The following SBF2 variants were observed in gnomAD, a reference collection of about 807,000 sequenced individuals.
The protein encoded by SBF2 is myotubularin-related protein 13.
SBF2 carries 112 observed loss-of-function variants against 225.2 expected under a neutral mutation model. The observed-to-expected ratio is 0.50, with a 90% CI of 0.43 to 0.58. The LOEUF is 0.58. SBF2 is among the 20% of genes least tolerant of loss of function. The pLI, the probability that SBF2 is intolerant of heterozygous loss-of-function variation, is 0.00. For missense variants in SBF2, 1,996 were observed against 2,206.2 expected, an observed-to-expected ratio of 0.90 and a Z score of 1.91; for synonymous variants, 763 against 773.3, an observed-to-expected ratio of 0.99 and a Z score of 0.22.
intron 2 of SBF2, among the ~76,000 whole-genome samples, chr11:10,051,533 T>A (rs1235904892): frequency 1.3e-5 from 2 of 152,084 alleles, no homozygotes; most frequent in East Asian, 3.9e-4. Flanking sequence ...CCTGGTCAGA[T>A]TTTTTTTACT....
chr11:10,170,655 T>C (rs1956147240), intron 2 of SBF2, among the ~76,000 whole-genome samples: 1 of 152,142 alleles, frequency 6.6e-6, no homozygotes, highest in South Asian at 2.1e-4. Context: ...CCATATAAAC[T>C]TTAGAACTGT....
chr11:10,199,666 C>A (rs920966426), intron 1 of SBF2, among the ~76,000 whole-genome samples: 9 of 152,170 alleles, frequency 5.9e-5, no homozygotes, highest in African/African-American at 2.2e-4. Flanking sequence ...CACTGGCTCA[C>A]ACCTGTAATC....
intron 1 of SBF2, among the ~76,000 whole-genome samples, chr11:10,220,794 T>C (rs1958311777): frequency 6.6e-6 from 1 of 152,172 alleles, no homozygotes; most frequent in Admixed American, 6.5e-5. Flanking sequence ...CCCTATACTG[T>C]GGCCCCACCA....
rs201936627 is a variant in SBF2 at position 10,286,172 on chromosome 11, A to G, written c.55+7843T>C. On this transcript the variant is annotated intron_variant, in intron 1 of 39. Transcript: ENST00000256190. The stretch of plus-strand genomic sequence containing the variant: ...TTCACATAAACACGCACACGCACAC[A>G]CACACACACACACACACACACACGG... 0.019 allele frequency among the ~76,000 whole-genome samples: 2,835 copies of G among 150,384 alleles called. 288 individuals carry two copies. The East Asian group carries it at 0.28, about 15-fold the overall frequency.
intron 3 of SBF2, among the ~76,000 whole-genome samples, chr11:10,035,327 C>G (rs545083941): frequency 3.7e-4 from 56 of 152,114 alleles, no homozygotes; most frequent in Middle Eastern, 6.8e-3. Flanking sequence ...GAAAACCTAG[C>G]CAATACCATT....
chr11:10,073,433 C>T (rs1950970973), intron 2 of SBF2, among the ~76,000 whole-genome samples: 1 of 152,020 alleles, frequency 6.6e-6, no homozygotes, highest in Non-Finnish European at 1.5e-5. Flanking sequence ...ATTTAAGTGG[C>T]CCAGCACAGT....
chr11:10,278,813 A>G (rs929464240), intron 1 of SBF2, among the ~76,000 whole-genome samples: 1 of 151,198 alleles, frequency 6.6e-6, no homozygotes, highest in Non-Finnish European at 1.5e-5. Flanking sequence ...AAGAAATACA[A>G]TTCCAGCAAC....
At chr11:10,273,639 A>G (rs2135543088) in intron 1 of SBF2, among the ~76,000 whole-genome samples, 1 of 152,316 alleles carries the variant, frequency 6.6e-6, no homozygotes, top group South Asian at 2.1e-4. Flanking sequence ...CCCTTCCCAC[A>G]CTGCTGTATG....
At chr11:10,159,834 G>C (rs1955650801) in intron 2 of SBF2, among the ~76,000 whole-genome samples, 1 of 151,800 alleles carries the variant, frequency 6.6e-6, no homozygotes. Flanking sequence ...AGCTTACAGT[G>C]AGCTGAGATC....
intron 3 of SBF2, among the ~76,000 whole-genome samples, chr11:10,035,256 G>C (rs1949391952): frequency 6.6e-6 from 1 of 152,092 alleles, no homozygotes; most frequent in South Asian, 2.1e-4. Flanking sequence ...TTACAGGTAT[G>C]AGCCACCACG....
intron 1 of SBF2, among the ~76,000 whole-genome samples, chr11:10,218,206 T>G (rs574891371): frequency 1.3e-5 from 2 of 152,090 alleles, no homozygotes; most frequent in Admixed American, 1.3e-4. Flanking sequence ...AGCCGCAAAG[T>G]CACATCTTAC....
In SBF2 at chr11:9,812,677, T is replaced by C; in HGVS notation, c.4010A>G (p.Glu1337Gly). The C allele has an allele frequency of 6.2e-7, 1 of 1,614,110 alleles. No homozygotes were observed. Among genetic ancestry groups the C allele is most frequent in the Non-Finnish European group, 8.5e-7 (1 of 1,180,018 alleles). The change falls in exon 30 of 40, where the codon GAG becomes GGG. Residue 1337 changes from glutamate (E) to glycine (G), a missense_variant. Transcript: ENST00000256190. ...NFKVEFALNC[E>G]FVPVEFHEIR... ...TTCATGAAATTCAACAGGAACAAAC[T>C]CACAATTTAAAGCAAATTCTACCTT... is the stretch of plus-strand genomic sequence containing the variant.
intron 20 of SBF2, among the ~76,000 whole-genome samples, chr11:9,853,244 A>T (rs1325824252): frequency 1.3e-5 from 2 of 152,226 alleles, no homozygotes; most frequent in Non-Finnish European, 2.9e-5. Context: ...TTACCAGGGG[A>T]AACAGGAGTT....
intron 30 of SBF2, chr11:9,810,474 T>C (rs886341814): frequency 2.0e-5 from 3 of 152,326 alleles, no homozygotes; most frequent in Non-Finnish European, 4.4e-5. Context: ...AATATTTTAA[T>C]GATCATCAGA....
In SBF2 at chr11:9,834,360, A is replaced by G. The variant is rs559288716; in HGVS notation, c.3456-1940T>C. 5.6e-4 allele frequency among the ~76,000 whole-genome samples: 85 copies of G among 152,216 alleles called. 1 individual carries two copies. The highest frequency in any genetic ancestry group is 6.8e-3 in the Middle Eastern group (2 of 294). On this transcript the variant is annotated intron_variant, in intron 26 of 39. Coordinates refer to ENST00000256190, the MANE Select transcript of SBF2 (RefSeq NM_030962.4). Reference sequence around the variant, plus strand: ...GCCCGCCTCGGCCTCCCAAAGTGCTAGGATTCATGCTATCCTTTTTTATGT... The same window carrying G: ...GCCCGCCTCGGCCTCCCAAAGTGCTGGGATTCATGCTATCCTTTTTTATGT...
At chr11:9,988,822 G>A (rs1947299845) in intron 13 of SBF2, among the ~76,000 whole-genome samples, 1 of 152,136 alleles carries the variant, frequency 6.6e-6, no homozygotes, top group South Asian at 2.1e-4. Flanking sequence ...AACTAGTACA[G>A]CTACTATGGA....
chr11:9,902,217 C>A (rs1216480812), intron 16 of SBF2, among the ~76,000 whole-genome samples: 1 of 152,160 alleles, frequency 6.6e-6, no homozygotes, highest in Non-Finnish European at 1.5e-5. Context: ...ACCATCTATT[C>A]TCTCTGAGGG....
At chr11:9,955,460 G>A (rs1866101203) in intron 16 of SBF2, among the ~76,000 whole-genome samples, 1 of 151,986 alleles carries the variant, frequency 6.6e-6, no homozygotes, top group Admixed American at 6.5e-5. Flanking sequence ...GCTGAACAGT[G>A]TTCTAAAGAA....
chr11:10,019,903 T>G (rs908164976), intron 6 of SBF2, among the ~76,000 whole-genome samples: 1 of 152,192 alleles, frequency 6.6e-6, no homozygotes, highest in African/African-American at 2.4e-5. Context: ...TAAGCTTTCA[T>G]TTTTACCTCT....
Sources: allele counts gnomAD v4.1 joint callset (sites outside exome capture counted in the v4.1 genomes callset), GRCh38; gene constraint gnomAD v4.1.1; transcripts MANE v1.5; gene names NCBI Gene and HGNC (gene_info 2026-07-23, HGNC 2026-07-21).